The following ZNF292 variants were observed in gnomAD, a reference collection of about 807,000 sequenced individuals.
ZNF292 encodes the protein zinc finger protein 292.
In ZNF292, 26 loss-of-function variants were observed where a neutral mutation model predicts 217.9. The observed-to-expected ratio is 0.12, with a 90% CI of 0.09 to 0.17. The LOEUF is 0.17. Among genes scored for constraint, ZNF292 ranks in the 10% least tolerant of loss-of-function variants. The pLI is 1.00. For missense variants in ZNF292, 2,904 were observed against 3,175.2 expected (o/e 0.91, Z 2.05); for synonymous variants, 1,257 against 1,124.1 (o/e 1.12, Z -2.37).
chr6:87,209,523 G>A (rs1772394111), intron 1 of ZNF292, among the ~76,000 whole-genome samples: 1 of 152,146 alleles, frequency 6.6e-6, no homozygotes, highest in South Asian at 2.1e-4. Context: ...AAAACTGTAA[G>A]ACATTATTTG....
intron 7 of ZNF292, among the ~76,000 whole-genome samples, chr6:87,254,365 G>C (rs184791308): frequency 6.6e-6 from 1 of 152,176 alleles, no homozygotes; most frequent in Non-Finnish European, 1.5e-5. Flanking sequence ...TAAGTGGGAT[G>C]GGAAAGGTCA....
At chr6:87,189,585 A>C (rs1241462025) in intron 1 of ZNF292, among the ~76,000 whole-genome samples, 1 of 152,028 alleles carries the variant, frequency 6.6e-6, no homozygotes, top group Non-Finnish European at 1.5e-5. Flanking sequence ...ATTATGTAGA[A>C]TATATGAATT....
chr6:87,219,107 C>CT (rs1317260869), intron 4 of ZNF292, among the ~76,000 whole-genome samples: 1 of 152,164 alleles, frequency 6.6e-6, no homozygotes, highest in Non-Finnish European at 1.5e-5. Context: ...TACTAGAACT[C>CT]TTTAAGTCTT....
intron 1 of ZNF292, among the ~76,000 whole-genome samples, chr6:87,177,470 G>A (rs1771339481): frequency 6.6e-6 from 1 of 151,964 alleles, no homozygotes; most frequent in Non-Finnish European, 1.5e-5. Context: ...TGTCATTACT[G>A]GCTACATAGT....
At position 87,218,694 on chromosome 6, in the gene ZNF292, C is replaced by T; in HGVS notation, c.501C>T (p.Cys167=). 1 of 1,594,280 alleles carries T rather than the reference C, an allele frequency of 6.3e-7. No homozygotes were observed. The highest frequency in any genetic ancestry group is 8.5e-7 in the Non-Finnish European group (1 of 1,172,010). ...GGGTGTGGAAAAACCCGGTACTGTGCACTATTCTTTCCCAGGAACCATTGG... is the reference window on the plus strand; with the variant it reads ...GGGTGTGGAAAAACCCGGTACTGTGTACTATTCTTTCCCAGGAACCATTGG... ...ETGVWKNPVL[C]TILSQEPLDK... is the part of the protein sequence containing the mutation. Residue 167 remains cysteine (C), a synonymous_variant, in exon 4 of 8, where the codon TGC becomes TGT. Transcript: ENST00000369577.
chr6:87,262,847 A>C lies in ZNF292; in HGVS notation c.*1046A>C, dbSNP rs2127880449. On this transcript the variant is annotated 3_prime_UTR_variant, in exon 8 of 8. Transcript: ENST00000369577. ...TTAAACTGTATAAAGTTTTGTGGAA[A>C]GATTTTTTTAAACATTTTTATAAAT... 6.6e-6 allele frequency: 1 copy of C among 152,168 alleles called. No individual in the cohort carries two copies. Among genetic ancestry groups the C allele is most frequent in the Non-Finnish European group, 1.5e-5 (1 of 67,908 alleles). The allele number at this position is 152,168 out of a possible 1,614,324, so 9.4% of individuals were successfully genotyped here. A position where few individuals can be genotyped will look rare whatever the true frequency, so the allele number is the denominator to read the frequency against.
At chr6:87,214,653 CCTTT>C (rs1249839239) in intron 1 of ZNF292, among the ~76,000 whole-genome samples, 1 of 152,040 alleles carries the variant, frequency 6.6e-6, no homozygotes, top group Non-Finnish European at 1.5e-5. Context: ...GGTTTTCTGT[CCTTT>C]CTGTCTCTAG....
At chr6:87,222,721 T>A (rs1273800496) in intron 4 of ZNF292, 1 of 430,968 alleles carries the variant, frequency 2.3e-6, no homozygotes, top group East Asian at 7.0e-5. Flanking sequence ...TAATCCATAA[T>A]TTATTCACAT....
chr6:87,165,263 C>CT (rs1364840371), intron 1 of ZNF292, among the ~76,000 whole-genome samples: 1 of 152,092 alleles, frequency 6.6e-6, no homozygotes, highest in Non-Finnish European at 1.5e-5. Flanking sequence ...CAGTCTACCT[C>CT]TTGTAACAGT....
At position 87,262,083 on chromosome 6, in the gene ZNF292, T is replaced by C. The variant is rs1775636643; in HGVS notation, c.*282T>C. On this transcript the variant is annotated 3_prime_UTR_variant, in exon 8 of 8. Coordinates refer to ENST00000369577, the MANE Select transcript of ZNF292 (RefSeq NM_015021.3). Reference sequence around the variant, plus strand: ...GCCCTTTTCATGAACTAAACAATTATCTGTGTGATTGGTATGTTTCACCAG... The same window carrying C: ...GCCCTTTTCATGAACTAAACAATTACCTGTGTGATTGGTATGTTTCACCAG... The C allele has an allele frequency of 4.6e-6, 1 of 219,078 alleles. No individual in the cohort carries two copies. Among genetic ancestry groups the C allele is most frequent in the Admixed American group, 5.2e-5 (1 of 19,304 alleles). The allele number at this position is 219,078 out of a possible 1,614,324, so 13.6% of individuals were successfully genotyped here.
chr6:87,187,194 A>C (rs1771691134), intron 1 of ZNF292, among the ~76,000 whole-genome samples: 1 of 152,230 alleles, frequency 6.6e-6, no homozygotes, highest in Non-Finnish European at 1.5e-5. Flanking sequence ...TCTCTGATTT[A>C]AATGTATATT....
rs186309307 is a variant in ZNF292 at position 87,168,392 on chromosome 6, A to G, written c.168+12633A>G. Among the ~76,000 whole-genome samples the G allele has an allele frequency of 8.5e-5, 13 of 152,356 alleles. No individual in the cohort carries two copies. In the East Asian group the frequency reaches 2.3e-3, roughly 27 times the overall value. Reference sequence around the variant, plus strand: ...AGCGCTTTAAAAAATAAAATTTCAAATACCTGGAAAATGTCTTCATGTGGA... The same window carrying G: ...AGCGCTTTAAAAAATAAAATTTCAAGTACCTGGAAAATGTCTTCATGTGGA... On this transcript the variant is annotated intron_variant, in intron 1 of 7. Transcript: ENST00000369577.
intron 1 of ZNF292, among the ~76,000 whole-genome samples, chr6:87,214,753 A>G (rs1296319136): frequency 6.6e-6 from 1 of 152,140 alleles, no homozygotes; most frequent in Non-Finnish European, 1.5e-5. Context: ...ATGGCTACTC[A>G]GTCGGTGAGT....
intron 1 of ZNF292, among the ~76,000 whole-genome samples, chr6:87,175,977 T>C (rs547603426): frequency 6.6e-6 from 1 of 152,328 alleles, no homozygotes; most frequent in Admixed American, 6.5e-5. Context: ...GACTGTTTAT[T>C]GTCTTTACTC....
intron 1 of ZNF292, among the ~76,000 whole-genome samples, chr6:87,173,012 A>G (rs1284810768): frequency 1.3e-5 from 2 of 152,118 alleles, no homozygotes; most frequent in Non-Finnish European, 2.9e-5. Flanking sequence ...ATTTTTAATG[A>G]TGTAATATTG....
At chr6:87,166,031 T>A (rs553153493) in intron 1 of ZNF292, among the ~76,000 whole-genome samples, 76 of 152,174 alleles carry the variant, frequency 5.0e-4, no homozygotes, top group Non-Finnish European at 8.5e-4. Context: ...CTGTTGGGAT[T>A]ACAGGCGGGA....
At chr6:87,176,490 A>C (rs1771299438) in intron 1 of ZNF292, among the ~76,000 whole-genome samples, 1 of 152,140 alleles carries the variant, frequency 6.6e-6, no homozygotes, top group East Asian at 1.9e-4. Context: ...AAGGTCAGAA[A>C]ATTGTTTTAT....
intron 5 of ZNF292, among the ~76,000 whole-genome samples, chr6:87,238,592 G>A (rs1774017158): frequency 6.7e-6 from 1 of 149,758 alleles, no homozygotes; most frequent in African/African-American, 2.5e-5. Context: ...CTCAGCAAGA[G>A]TGCCTTAGGT....
At position 87,265,116 on chromosome 6, in the gene ZNF292, T is replaced by C. The variant is rs1283944858; in HGVS notation, c.*3315T>C. 1.3e-5 allele frequency among the ~76,000 whole-genome samples: 2 copies of C among 152,138 alleles called. No homozygotes were observed. Among genetic ancestry groups the C allele is most frequent in the Admixed American group, 6.6e-5 (1 of 15,266 alleles). ...CTCTCTCTCTCTCTCTCTTTTTTTT[T>C]CTTTGTTTTTTTTGGAGACAGAGTC... On this transcript the variant is annotated 3_prime_UTR_variant, in exon 8 of 8. Transcript: ENST00000369577.
Sources: allele counts gnomAD v4.1 joint callset (sites outside exome capture counted in the v4.1 genomes callset), GRCh38; gene constraint gnomAD v4.1.1; transcripts MANE v1.5; gene names NCBI Gene and HGNC (gene_info 2026-07-23, HGNC 2026-07-21).